The following SYNJ2 variants were observed in gnomAD, a reference collection of about 807,000 sequenced individuals.
SYNJ2 encodes the protein synaptojanin 2, also known as polyphosphatidylinositol phosphatase SYNJ2.
A neutral mutation model predicts 141.3 loss-of-function variants in SYNJ2; 116 were observed. The ratio of observed to expected loss-of-function variants is 0.82; its 90% CI spans 0.71 to 0.96. SYNJ2 has a LOEUF of 0.96. SYNJ2 is among the 40% of genes least tolerant of loss of function. SYNJ2 has a pLI of 0.00. For missense variants in SYNJ2, 1,873 were observed against 1,934.8 expected (o/e 0.97, Z 0.60); for synonymous variants, 745 against 777.7 (o/e 0.96, Z 0.70).
Position 158,088,652 on chromosome 6 carries a change from T to G in SYNJ2, c.3344-8T>G. 1 of 1,612,734 alleles carries G rather than the reference T, an allele frequency of 6.2e-7. No homozygotes were observed. Among genetic ancestry groups the G allele is most frequent in the South Asian group, 1.1e-5 (1 of 91,024 alleles). ...AGATTGAGACTCTGCCCTCGTTGGT[T>G]TTTACAGCCGGTTTAATGGTGAAAA... is the stretch of plus-strand genomic sequence containing the variant. On this transcript the variant is annotated splice_region_variant and splice_polypyrimidine_tract_variant and intron_variant, in intron 23 of 26. Transcript: ENST00000355585.
chr6:158,066,430 A>G lies in SYNJ2; in HGVS notation c.1526-14A>G, dbSNP rs1361409860. The stretch of plus-strand genomic sequence containing the variant: ...GAACTGCAAAGAAATGTGCCTTTTT[A>G]TGCCTCCTGACAGTGACTCCCAGGA... On this transcript the variant is annotated splice_polypyrimidine_tract_variant and intron_variant, in intron 11 of 26. Coordinates refer to ENST00000355585, the MANE Select transcript of SYNJ2 (RefSeq NM_003898.4). 2.5e-6 allele frequency: 4 copies of G among 1,613,436 alleles called. 1 individual carries two copies. The highest frequency in any genetic ancestry group is 2.2e-5 in the South Asian group (2 of 91,080).
chr6:158,068,652 A>G lies in SYNJ2; in HGVS notation c.1723A>G (p.Ser575Gly), dbSNP rs1781714939. 9.9e-6 allele frequency: 16 copies of G among 1,614,246 alleles called. No homozygotes were observed. Among genetic ancestry groups the G allele is most frequent in the Non-Finnish European group, 1.4e-5 (16 of 1,180,028 alleles). Residue 575 changes from serine (S) to glycine (G), a missense_variant, in exon 13 of 27, where the codon AGC (serine) becomes GGC (glycine). Physicochemically the swap from Ser to Gly is moderately conservative, Grantham distance 56. Coordinates refer to ENST00000355585, the MANE Select transcript of SYNJ2 (RefSeq NM_003898.4). ...LSGATDSQDDSSPADIFAVGF... is the reference protein window; with the variant it reads ...LSGATDSQDDGSPADIFAVGF... ...TCTCTTGCCTTGCTCCCCAGATGAC[A>G]GCAGCCCAGCTGACATATTTGCTGT...
intron 26 of SYNJ2, among the ~76,000 whole-genome samples, chr6:158,094,839 C>A (rs2128403345): frequency 6.6e-6 from 1 of 152,284 alleles, no homozygotes; most frequent in South Asian, 2.1e-4. Context: ...CATTCTTTAC[C>A]AATATTTAAG....
Position 158,028,799 on chromosome 6 carries a change from A to G in SYNJ2, c.258A>G (p.Thr86=). 6.2e-7 allele frequency: 1 copy of G among 1,614,166 alleles called. No individual in the cohort carries two copies. The highest frequency in any genetic ancestry group is 8.5e-7 in the Non-Finnish European group (1 of 1,180,014). The change falls in exon 3 of 27, where the codon ACA becomes ACG. Residue 86 remains threonine, a synonymous_variant. Coordinates refer to ENST00000355585, the MANE Select transcript of SYNJ2 (RefSeq NM_003898.4). ...TCCTGGTGTTGGTGACAGGCTGCAC[A>G]TCTGTGGGCAGAATTCCAGATGCTG... The part of the protein sequence containing the change: ...LSFLVLVTGC[T]SVGRIPDAEI...
intron 14 of SYNJ2, 96 bp downstream of exon 14, chr6:158,069,769 G>A: frequency 7.1e-7 from 1 of 1,403,440 alleles, no homozygotes; most frequent in Non-Finnish European, 9.5e-7. Flanking sequence ...ATCCCCTTCT[G>A]TAACAGGAAT....
At chr6:158,085,279 C>T (rs1782964633) in intron 22 of SYNJ2, among the ~76,000 whole-genome samples, 1 of 152,100 alleles carries the variant, frequency 6.6e-6, no homozygotes, top group Non-Finnish European at 1.5e-5. Flanking sequence ...CCTGGGCCTT[C>T]CAAAGTGCTG....
intron 2 of SYNJ2, among the ~76,000 whole-genome samples, chr6:158,026,175 T>C (rs889908011): frequency 2.0e-5 from 3 of 152,110 alleles, no homozygotes; most frequent in African/African-American, 7.2e-5. Flanking sequence ...GTGTGTGAAA[T>C]GGCAGTGGTA....
At chr6:158,024,637 TAA>T (rs1778942709) in intron 2 of SYNJ2, among the ~76,000 whole-genome samples, 1 of 152,236 alleles carries the variant, frequency 6.6e-6, no homozygotes, top group South Asian at 2.1e-4. Flanking sequence ...ACTGGAACGA[TAA>T]ACCAGAACGC....
intron 1 of SYNJ2, among the ~76,000 whole-genome samples, chr6:158,009,763 A>T (rs1489840590): frequency 2.0e-5 from 3 of 152,218 alleles, no homozygotes; most frequent in Non-Finnish European, 4.4e-5. Context: ...CAGTGCTTAA[A>T]ATAAATGGAG....
chr6:158,042,468 C>A (rs993133655), intron 4 of SYNJ2, among the ~76,000 whole-genome samples: 1 of 152,254 alleles, frequency 6.6e-6, no homozygotes, highest in Non-Finnish European at 1.5e-5. Context: ...ACCACAGCAG[C>A]GCCCAGGCCG....
intron 2 of SYNJ2, among the ~76,000 whole-genome samples, chr6:158,022,896 C>A (rs995913607): frequency 6.6e-6 from 1 of 152,156 alleles, no homozygotes; most frequent in Non-Finnish European, 1.5e-5. Flanking sequence ...GACGGTGGCC[C>A]GGGAGTCAGC....
In SYNJ2 at chr6:158,096,495, GT is replaced by G; in HGVS notation, c.*134del. The G allele has an allele frequency of 9.0e-7, 1 of 1,113,308 alleles. No homozygotes were observed. The highest frequency in any genetic ancestry group is 1.2e-6 in the Non-Finnish European group (1 of 809,894). 69.0% of individuals were successfully genotyped at this position (1,113,308 alleles called of 1,614,324 possible). ...TTTGTGCATCTGTCACTCTCGTGTA[GT>G]TTACAAAAATCGTGTCTCTTATTCA... On this transcript the variant is annotated 3_prime_UTR_variant, in exon 27 of 27. Transcript: ENST00000355585.
At position 158,076,723 on chromosome 6, in the gene SYNJ2, C is replaced by A; in HGVS notation, c.2390C>A (p.Thr797Asn). 2 of 1,614,172 alleles carry A rather than the reference C, an allele frequency of 1.2e-6. No homozygotes were observed. Among genetic ancestry groups the A allele is most frequent in the Non-Finnish European group, 1.7e-6 (2 of 1,180,016 alleles). ...TACGATACAAGCGACAAATGCCGCA[C>A]CCCCGCCTGGACAGACAGGGTGCTG... Reference protein sequence around the residue: ...AAYDTSDKCRTPAWTDRVLWW... With the variant: ...AAYDTSDKCRNPAWTDRVLWW... The change falls in exon 17 of 27, where the codon ACC (threonine) becomes AAC (asparagine). Residue 797 changes from threonine to asparagine, a missense_variant. Transcript: ENST00000355585.
At chr6:158,065,035 T>C in intron 11 of SYNJ2, 44 bp downstream of exon 11, 2 of 1,475,044 alleles carry the variant, frequency 1.4e-6, no homozygotes, top group Non-Finnish European at 1.8e-6. Context: ...GGTAGGGTGC[T>C]CCCCAGCCCC....
At chr6:158,074,790 C>T in intron 16 of SYNJ2, 52 bp downstream of exon 16, 2 of 1,595,536 alleles carry the variant, frequency 1.3e-6, no homozygotes, top group Non-Finnish European at 1.7e-6. Flanking sequence ...GATGGAATGA[C>T]ATCTGTGAGA....
Position 157,989,427 on chromosome 6 carries a change from A to AATATATATAT in SYNJ2, c.127+7370_127+7379dup, listed in dbSNP as rs34948131. On this transcript the variant is annotated intron_variant, in intron 1 of 26. Coordinates refer to ENST00000355585, the MANE Select transcript of SYNJ2 (RefSeq NM_003898.4). ...AATCTCATTCTTATGTAAAAAAATG[A>AATATATATAT]ATATATATATATATATATATATATA... 2.6e-3 allele frequency among the ~76,000 whole-genome samples: 254 copies of AATATATATAT among 96,240 alleles called. 3 individuals are homozygous for AATATATATAT. The highest frequency in any genetic ancestry group is 4.7e-3 in the South Asian group (11 of 2,316). The allele number at this position is 96,240 out of a possible 152,430, so 63.1% of individuals were successfully genotyped here. A position where few individuals can be genotyped will look rare whatever the true frequency, so the allele number is the denominator to read the frequency against.
At chr6:158,022,445 A>G (rs565526528) in intron 2 of SYNJ2, among the ~76,000 whole-genome samples, 10 of 152,336 alleles carry the variant, frequency 6.6e-5, no homozygotes, top group Admixed American at 3.9e-4. Flanking sequence ...CAAATTGCCT[A>G]GGACCTGCCA....
chr6:158,093,989 C>T, intron 26 of SYNJ2: 1 of 765,262 alleles, frequency 1.3e-6, no homozygotes, highest in Non-Finnish European at 2.4e-6. Flanking sequence ...CATCTGTAGA[C>T]ACATCTGGAT....
chr6:158,075,502 A>G (rs537080712), intron 16 of SYNJ2, among the ~76,000 whole-genome samples: 40 of 151,888 alleles, frequency 2.6e-4, no homozygotes, highest in African/African-American at 9.4e-4. Flanking sequence ...TTACCTGGGT[A>G]TGGTGGCAGG....
Sources: gnomAD v4.1 joint callset for allele counts (sites outside exome capture counted in the v4.1 genomes callset) on GRCh38, gnomAD v4.1.1 for gene constraint, MANE v1.5 for transcripts, NCBI Gene and HGNC (gene_info 2026-07-23, HGNC 2026-07-21) for gene names.